XKR4: variants seen among roughly 807,000 people sequenced by gnomAD.
The protein encoded by XKR4 is XK-related protein 4.
A neutral mutation model predicts 53.9 loss-of-function variants in XKR4; 12 were observed. The ratio of observed to expected loss-of-function variants is 0.22; its 90% confidence interval spans 0.14 to 0.36. The LOEUF (loss-of-function observed/expected upper bound fraction) is 0.36, where lower values mean the gene tolerates loss of function less well. Ranked by LOEUF, XKR4 falls within the 10% of genes least tolerant of loss-of-function variation. The pLI, the probability that XKR4 is intolerant of heterozygous loss-of-function variation, is 1.00. For missense variants in XKR4, 799 were observed against 859.5 expected, an observed-to-expected ratio of 0.93 and a Z score of 0.88; for synonymous variants, 354 against 362.4, an observed-to-expected ratio of 0.98 and a Z score of 0.26.
At position 55,203,211 on chromosome 8, in the gene XKR4, T is replaced by C. The variant is rs141929635; in HGVS notation, c.806+99917T>C. Among the ~76,000 whole-genome samples, 575 of 152,362 alleles carry C rather than the reference T, an allele frequency of 3.8e-3. 3 individuals carry two copies. In the Middle Eastern group the frequency reaches 0.041, roughly 11 times the overall value. ...ACTGGCCCGCCAAGCACGGCGCCTG[T>C]AACTTGGCTTTGCACTATTGCGCCT... On this transcript the variant is annotated intron_variant, in intron 1 of 2. Coordinates refer to ENST00000327381, the MANE Select transcript of XKR4 (RefSeq NM_052898.2).
At position 55,532,187 on chromosome 8, in the gene XKR4, T is replaced by G. The variant is rs895703428; in HGVS notation, c.*7960T>G. 3 of 152,178 alleles carry G rather than the reference T, an allele frequency of 2.0e-5. No homozygotes were observed. The highest frequency in any genetic ancestry group is 4.4e-5 in the Non-Finnish European group (3 of 68,032). 9.4% of individuals were successfully genotyped at this position (152,178 alleles called of 1,614,324 possible). ...TTTTATGAGTACAGAATAATTCAAG[T>G]TCCTTAGCGAGTCACATTATGCATT... On this transcript the variant is annotated 3_prime_UTR_variant, in exon 3 of 3. Coordinates refer to ENST00000327381, the MANE Select transcript of XKR4 (RefSeq NM_052898.2).
chr8:55,410,131 C>T (rs1401095017), intron 2 of XKR4, among the ~76,000 whole-genome samples: 1 of 151,822 alleles, frequency 6.6e-6, no homozygotes, highest in African/African-American at 2.4e-5. Flanking sequence ...GGTAAAAGTT[C>T]TCCCTCTTTC....
At chr8:55,452,642 C>T in intron 2 of XKR4, 1 of 1,423,700 alleles carries the variant, frequency 7.0e-7, no homozygotes, top group Non-Finnish European at 9.9e-7. Context: ...CATGCAGCCC[C>T]TTGAGGTGGT....
chr8:55,492,325 G>C (rs1486807107), intron 2 of XKR4, among the ~76,000 whole-genome samples: 1 of 152,174 alleles, frequency 6.6e-6, no homozygotes, highest in African/African-American at 2.4e-5. Context: ...TAATGGGCCA[G>C]ATTGTCTCAA....
intron 2 of XKR4, among the ~76,000 whole-genome samples, chr8:55,419,412 A>G (rs1437866354): frequency 6.6e-6 from 1 of 152,210 alleles, no homozygotes; most frequent in Non-Finnish European, 1.5e-5. Context: ...ACAACACCTC[A>G]TTGGTATTCC....
chr8:55,514,135 GT>G (rs1442258539), intron 2 of XKR4, among the ~76,000 whole-genome samples: 1 of 151,816 alleles, frequency 6.6e-6, no homozygotes, highest in Non-Finnish European at 1.5e-5. Context: ...CTAATCCTCA[GT>G]TTTTTCATCT....
intron 2 of XKR4, among the ~76,000 whole-genome samples, chr8:55,391,898 T>G (rs1220716778): frequency 6.6e-6 from 1 of 152,158 alleles, no homozygotes; most frequent in Admixed American, 6.6e-5. Flanking sequence ...AAAGAAGATC[T>G]TACACTTTAA....
At position 55,535,324 on chromosome 8, in the gene XKR4, T is replaced by C. The variant is rs768053739; in HGVS notation, c.*11097T>C. 1 of 151,924 alleles carries C rather than the reference T, an allele frequency of 6.6e-6. No individual in the cohort carries two copies. The highest frequency in any genetic ancestry group is 2.4e-5 in the African/African-American group (1 of 41,342). 9.4% of individuals were successfully genotyped at this position (151,924 alleles called of 1,614,324 possible). A position where few individuals can be genotyped will look rare whatever the true frequency, so the allele number is the denominator to read the frequency against. Reference sequence around the variant, plus strand: ...ATGTGCCATGTTGGTGTGCTGTACCTATTAACTCGTCATTTAGCATCAGGT... The same window carrying C: ...ATGTGCCATGTTGGTGTGCTGTACCCATTAACTCGTCATTTAGCATCAGGT... On this transcript the variant is annotated 3_prime_UTR_variant, in exon 3 of 3. Transcript: ENST00000327381.
intron 2 of XKR4, among the ~76,000 whole-genome samples, chr8:55,366,119 G>C (rs938549777): frequency 2.6e-5 from 4 of 152,216 alleles, no homozygotes; most frequent in Admixed American, 6.5e-5. Context: ...ATAGGATGCT[G>C]ATATGCAGAG....
At chr8:55,273,029 A>T (rs930732736) in intron 1 of XKR4, 2 of 370,696 alleles carry the variant, frequency 5.4e-6, no homozygotes, top group Non-Finnish European at 1.1e-5. Flanking sequence ...TGATGTGGTG[A>T]TGTAATTCCA....
chr8:55,257,607 C>T (rs568237244), intron 1 of XKR4, among the ~76,000 whole-genome samples: 1 of 152,256 alleles, frequency 6.6e-6, no homozygotes, highest in East Asian at 1.9e-4. Context: ...AGTTCAAAAA[C>T]TTAAACTTTT....
At position 55,540,148 on chromosome 8, in the gene XKR4, A is replaced by C. The variant is rs999622593; in HGVS notation, c.*15921A>C. 2.6e-5 allele frequency: 4 copies of C among 152,208 alleles called. No individual in the cohort carries two copies. The highest frequency in any genetic ancestry group is 9.6e-5 in the African/African-American group (4 of 41,466). The allele number at this position is 152,208 out of a possible 1,614,324, so 9.4% of individuals were successfully genotyped here. ...CTTGAAAGTTTTTAGAAAAACTACC[A>C]TTTTCAGCAAAGATTCATGTGATTA... On this transcript the variant is annotated 3_prime_UTR_variant, in exon 3 of 3. Coordinates refer to ENST00000327381, the MANE Select transcript of XKR4 (RefSeq NM_052898.2).
chr8:55,416,069 C>T (rs1015767983), intron 2 of XKR4, among the ~76,000 whole-genome samples: 3 of 152,078 alleles, frequency 2.0e-5, no homozygotes, highest in African/African-American at 7.2e-5. Context: ...TTTCCACTCC[C>T]GCCATAATTT....
chr8:55,389,490 T>A (rs1278091689), intron 2 of XKR4, among the ~76,000 whole-genome samples: 3 of 152,206 alleles, frequency 2.0e-5, no homozygotes, highest in Admixed American at 2.0e-4. Context: ...TGGATTATAT[T>A]TGTCTCGTGG....
intron 1 of XKR4, among the ~76,000 whole-genome samples, chr8:55,141,688 T>G (rs1041765464): frequency 2.0e-5 from 3 of 151,600 alleles, no homozygotes; most frequent in South Asian, 2.1e-4. Flanking sequence ...TGTGTGTGTG[T>G]GTCTCTCTCT....
chr8:55,453,297 T>A (rs998373256), intron 2 of XKR4: 1 of 484,812 alleles, frequency 2.1e-6, no homozygotes, highest in Non-Finnish European at 4.2e-6. Flanking sequence ...AGGCAGCAGT[T>A]CATCATACTG....
At chr8:55,450,035 TA>T (rs1805410258) in intron 2 of XKR4, 11 of 784,094 alleles carry the variant, frequency 1.4e-5, no homozygotes, top group Non-Finnish European at 2.2e-5. Flanking sequence ...AGGAGGGAGC[TA>T]GGGGTGCCAC....
intron 1 of XKR4, among the ~76,000 whole-genome samples, chr8:55,346,717 G>GTGTGTA (rs1803649861): frequency 6.8e-6 from 1 of 147,924 alleles, no homozygotes; most frequent in African/African-American, 2.5e-5. Context: ...GTGTGTGTGT[G>GTGTGTA]TGTGTGTGTT....
At chr8:55,187,899 G>A (rs977380579) in intron 1 of XKR4, among the ~76,000 whole-genome samples, 2 of 152,128 alleles carry the variant, frequency 1.3e-5, no homozygotes, top group South Asian at 2.1e-4. Context: ...TTAAAGTGAC[G>A]ATTAATTATA....
Sources: gnomAD v4.1 joint callset for allele counts (sites outside exome capture counted in the v4.1 genomes callset) on GRCh38, gnomAD v4.1.1 for gene constraint, MANE v1.5 for transcripts, NCBI Gene and HGNC (gene_info 2026-07-23, HGNC 2026-07-21) for gene names.